MALRD1: variants seen among roughly 807,000 people sequenced by gnomAD.
MALRD1 encodes the protein MAM and LDL receptor class A domain containing 1.
In MALRD1, 247 loss-of-function variants were observed where a neutral mutation model predicts 242.1. The ratio of observed to expected loss-of-function variants is 1.02; its 90% CI spans 0.92 to 1.13. The LOEUF (loss-of-function observed/expected upper bound fraction) is 1.13. Among genes scored for constraint, MALRD1 ranks in the 50% most tolerant of loss-of-function variants. MALRD1 has a pLI of 0.00. For synonymous variants in MALRD1, 995 were observed against 866.6 expected, an observed-to-expected ratio of 1.15 and a Z score of -2.60; for missense variants, 2,989 against 2,533.1, an observed-to-expected ratio of 1.18 and a Z score of -3.86.
intron 26 of MALRD1, among the ~76,000 whole-genome samples, chr10:19,373,613 C>T (rs1181378100): frequency 6.6e-6 from 1 of 151,974 alleles, no homozygotes; most frequent in Non-Finnish European, 1.5e-5. Context: ...ACATAAAATA[C>T]TAGAGAAAAC....
intron 36 of MALRD1, among the ~76,000 whole-genome samples, chr10:19,668,853 A>G (rs1406121950): frequency 6.6e-6 from 1 of 152,210 alleles, no homozygotes; most frequent in Non-Finnish European, 1.5e-5. Flanking sequence ...CAATATCCAA[A>G]TAGTAGAAAT....
intron 36 of MALRD1, among the ~76,000 whole-genome samples, chr10:19,626,549 C>A (rs1472251734): frequency 6.6e-6 from 1 of 151,824 alleles, no homozygotes; most frequent in Non-Finnish European, 1.5e-5. Context: ...AGATGAATTT[C>A]CTTTTCACCA....
intron 14 of MALRD1, among the ~76,000 whole-genome samples, chr10:19,188,988 A>G (rs1835857233): frequency 6.6e-6 from 1 of 152,168 alleles, no homozygotes; most frequent in South Asian, 2.1e-4. Context: ...TTGGTTCTTC[A>G]AAAAGATTGG....
intron 14 of MALRD1, among the ~76,000 whole-genome samples, chr10:19,183,556 C>T (rs958084991): frequency 2.6e-5 from 4 of 152,120 alleles, no homozygotes; most frequent in African/African-American, 9.7e-5. Flanking sequence ...TTTAATTTTT[C>T]TCACTTTCAC....
intron 36 of MALRD1, among the ~76,000 whole-genome samples, chr10:19,664,456 T>G (rs769934379): frequency 2.0e-5 from 3 of 152,020 alleles, no homozygotes; most frequent in Non-Finnish European, 2.9e-5. Flanking sequence ...TTTTAATTGC[T>G]TTCCTAGTAA....
At chr10:19,584,450 A>C (rs1240985310) in intron 33 of MALRD1, among the ~76,000 whole-genome samples, 31 of 152,096 alleles carry the variant, frequency 2.0e-4, no homozygotes, top group Admixed American at 2.0e-3. Flanking sequence ...GTTTCAAAGA[A>C]CATCTTTATT....
At chr10:19,480,804 C>T (rs1212666212) in intron 29 of MALRD1, among the ~76,000 whole-genome samples, 1 of 151,982 alleles carries the variant, frequency 6.6e-6, no homozygotes, top group South Asian at 2.1e-4. Flanking sequence ...TCTCTTCTTC[C>T]TTCTTTCTAG....
At chr10:19,429,445 T>C (rs1040637161) in intron 28 of MALRD1, among the ~76,000 whole-genome samples, 2 of 152,092 alleles carry the variant, frequency 1.3e-5, no homozygotes, top group Admixed American at 6.5e-5. Context: ...ACACCTGTGA[T>C]CCCAGCTACT....
chr10:19,292,200 C>T (rs538363874), intron 21 of MALRD1, among the ~76,000 whole-genome samples: 1 of 151,930 alleles, frequency 6.6e-6, no homozygotes, highest in South Asian at 2.1e-4. Flanking sequence ...TTTCAAGGCC[C>T]CCTTTGGCTT....
At chr10:19,115,717 A>T (rs975874514) in intron 5 of MALRD1, among the ~76,000 whole-genome samples, 15 of 152,126 alleles carry the variant, frequency 9.9e-5, no homozygotes, top group East Asian at 5.8e-4. Context: ...ATCTACTAAA[A>T]ATATAAAAAT....
chr10:19,450,518 GGAAGCACATTTT>G lies in MALRD1; in HGVS notation c.5029+29_5029+40del, dbSNP rs1042994342. 46 of 1,526,160 alleles carry G rather than the reference GGAAGCACATTTT, an allele frequency of 3.0e-5. No individual in the cohort carries two copies. In the African/African-American group the frequency reaches 6.3e-4, roughly 21 times the overall value. 94.5% of individuals were successfully genotyped at this position (1,526,160 alleles called of 1,614,324 possible). ...AAGTTTCCAGAAAGCACTTCCATTT[GGAAGCACATTTT>G]TAATCTAGCCATTTTATTTTTGTTA... On this transcript the variant is annotated intron_variant, in intron 29 of 39. Transcript: ENST00000454679.
At chr10:19,730,996 G>A (rs1835273618) in intron 39 of MALRD1, among the ~76,000 whole-genome samples, 1 of 152,186 alleles carries the variant, frequency 6.6e-6, no homozygotes, top group Non-Finnish European at 1.5e-5. Context: ...GTTTCAGTCT[G>A]CTTGTAAGAT....
chr10:19,469,898 A>C (rs6481937), intron 29 of MALRD1, among the ~76,000 whole-genome samples: 1 of 151,856 alleles, frequency 6.6e-6, no homozygotes, highest in Non-Finnish European at 1.5e-5. Flanking sequence ...AAGGCCATAG[A>C]CATATACCAC....
chr10:19,096,601 G>A (rs1210554785), intron 4 of MALRD1, among the ~76,000 whole-genome samples: 2 of 152,136 alleles, frequency 1.3e-5, no homozygotes, highest in East Asian at 1.9e-4. Flanking sequence ...GAAGTGCTGT[G>A]CTTGTAAAAC....
chr10:19,127,941 A>G (rs527686786), intron 7 of MALRD1, among the ~76,000 whole-genome samples: 2 of 152,290 alleles, frequency 1.3e-5, no homozygotes, highest in East Asian at 1.9e-4. Context: ...CAATTTGTAT[A>G]TGTAGGTTTC....
At chr10:19,444,275 G>T (rs1834836417) in intron 28 of MALRD1, among the ~76,000 whole-genome samples, 1 of 152,112 alleles carries the variant, frequency 6.6e-6, no homozygotes, top group African/African-American at 2.4e-5. Flanking sequence ...TTGCCAGTCT[G>T]TGTCTTTTAA....
At chr10:19,584,706 T>C (rs1837301222) in intron 33 of MALRD1, among the ~76,000 whole-genome samples, 1 of 151,936 alleles carries the variant, frequency 6.6e-6, no homozygotes, top group Non-Finnish European at 1.5e-5. Context: ...ATTCTGTTGA[T>C]TTGGGGTGGA....
chr10:19,640,813 T>C (rs1286210570), intron 36 of MALRD1, among the ~76,000 whole-genome samples: 1 of 152,150 alleles, frequency 6.6e-6, no homozygotes, highest in African/African-American at 2.4e-5. Flanking sequence ...CACAGCAAAA[T>C]AGCTGAAATG....
At chr10:19,468,016 A>C (rs2358402) in intron 29 of MALRD1, among the ~76,000 whole-genome samples, 2 of 151,942 alleles carry the variant, frequency 1.3e-5, no homozygotes, top group African/African-American at 4.8e-5. Flanking sequence ...CTGGTCTCAA[A>C]GTCCTGACCT....
Sources: gnomAD v4.1 joint callset for allele counts (sites outside exome capture counted in the v4.1 genomes callset) on GRCh38, gnomAD v4.1.1 for gene constraint, MANE v1.5 for transcripts, NCBI Gene and HGNC (gene_info 2026-07-23, HGNC 2026-07-21) for gene names.